The following B3GALT1 variants were observed in gnomAD, a reference collection of about 807,000 sequenced individuals.
B3GALT1 encodes the protein beta-1,3-galactosyltransferase 1, also known as UDP-Gal:betaGlcNAc beta 1,3-galactosyltransferase, polypeptide 1.
In B3GALT1, 10 loss-of-function variants were observed where a neutral mutation model predicts 23.2. The ratio of observed to expected loss-of-function variants is 0.43; its 90% confidence interval spans 0.27 to 0.73. The LOEUF (loss-of-function observed/expected upper bound fraction) is 0.73. Among genes scored for constraint, B3GALT1 ranks in the 30% least tolerant of loss-of-function variants. The pLI is 0.21. For missense variants in B3GALT1, 299 were observed against 405.4 expected, an observed-to-expected ratio of 0.74 and a Z score of 2.25; for synonymous variants, 156 against 141.5, an observed-to-expected ratio of 1.10 and a Z score of -0.73.
intron 4 of B3GALT1, among the ~76,000 whole-genome samples, chr2:167,829,652 T>C (rs1295116967): frequency 6.6e-6 from 1 of 152,178 alleles, no homozygotes; most frequent in Non-Finnish European, 1.5e-5. Context: ...TCTTGAAAAG[T>C]CTCAGTTGAT....
intron 1 of B3GALT1, among the ~76,000 whole-genome samples, chr2:167,413,093 T>G (rs536438464): frequency 2.6e-5 from 4 of 152,220 alleles, no homozygotes; most frequent in Admixed American, 2.6e-4. Context: ...CTTGTTTGGA[T>G]GACTGGTTAC....
chr2:167,533,256 A>G (rs1298154062), intron 2 of B3GALT1, among the ~76,000 whole-genome samples: 1 of 152,070 alleles, frequency 6.6e-6, no homozygotes, highest in Non-Finnish European at 1.5e-5. Flanking sequence ...AAGAATGATC[A>G]TCTTTGCATT....
At position 167,448,365 on chromosome 2, in the gene B3GALT1, G is replaced by T. The variant is rs191689305; in HGVS notation, c.-510-41812G>T. On this transcript the variant is annotated intron_variant, in intron 1 of 4. Coordinates refer to ENST00000392690, the MANE Select transcript of B3GALT1 (RefSeq NM_020981.4). Reference sequence around the variant, plus strand: ...TTGTGGTTTTGATTTGAATTTCCCTGTTCCATAGCTTTTTTTAATATGTTT... The same window carrying T: ...TTGTGGTTTTGATTTGAATTTCCCTTTTCCATAGCTTTTTTTAATATGTTT... Among the ~76,000 whole-genome samples, 285 of 151,972 alleles carry T rather than the reference G, an allele frequency of 1.9e-3. 1 individual carries two copies. Among genetic ancestry groups the T allele is most frequent in the African/African-American group, 6.8e-3 (281 of 41,468 alleles).
At chr2:167,524,070 C>T (rs1452321056) in intron 2 of B3GALT1, among the ~76,000 whole-genome samples, 1 of 152,102 alleles carries the variant, frequency 6.6e-6, no homozygotes, top group Non-Finnish European at 1.5e-5. Flanking sequence ...AAATTGCCCT[C>T]CATGGAAATT....
chr2:167,591,736 G>C (rs1479079033), intron 2 of B3GALT1, among the ~76,000 whole-genome samples: 1 of 152,102 alleles, frequency 6.6e-6, no homozygotes, highest in Admixed American at 6.5e-5. Flanking sequence ...GCCTCCTAAA[G>C]TGGTGGGATT....
At chr2:167,334,803 A>G (rs552724554) in intron 1 of B3GALT1, among the ~76,000 whole-genome samples, 3 of 152,288 alleles carry the variant, frequency 2.0e-5, no homozygotes, top group African/African-American at 7.2e-5. Context: ...TATTTATATA[A>G]ACTAATTCTG....
At chr2:167,304,974 G>C (rs960584744) in intron 1 of B3GALT1, among the ~76,000 whole-genome samples, 1 of 152,108 alleles carries the variant, frequency 6.6e-6, no homozygotes, top group Admixed American at 6.6e-5. Flanking sequence ...CCCTTCCTCT[G>C]ACATTTTGTT....
intron 3 of B3GALT1, among the ~76,000 whole-genome samples, chr2:167,704,147 C>G (rs1033846144): frequency 7.0e-6 from 1 of 142,738 alleles, no homozygotes; most frequent in Non-Finnish European, 1.5e-5. Flanking sequence ...CACCACTGCA[C>G]TCCAGACTGG....
chr2:167,750,020 C>T (rs1273302029), intron 3 of B3GALT1, among the ~76,000 whole-genome samples: 1 of 152,068 alleles, frequency 6.6e-6, no homozygotes, highest in Non-Finnish European at 1.5e-5. Flanking sequence ...GTGTAAAACC[C>T]CTTCCTTTGG....
At chr2:167,600,262 G>T (rs1684851491) in intron 2 of B3GALT1, among the ~76,000 whole-genome samples, 1 of 152,072 alleles carries the variant, frequency 6.6e-6, no homozygotes, top group Admixed American at 6.6e-5. Context: ...ACAACTCCAA[G>T]GCCACCATGT....
intron 1 of B3GALT1, among the ~76,000 whole-genome samples, chr2:167,360,309 G>C (rs930457738): frequency 6.6e-6 from 1 of 152,178 alleles, no homozygotes; most frequent in South Asian, 2.1e-4. Flanking sequence ...ATTGATAGTA[G>C]TGGGGAGTAT....
At chr2:167,550,309 T>C (rs1683723232) in intron 2 of B3GALT1, among the ~76,000 whole-genome samples, 1 of 152,022 alleles carries the variant, frequency 6.6e-6, no homozygotes, top group Admixed American at 6.6e-5. Flanking sequence ...AGTGGTGGAG[T>C]TTAAAGGATA....
intron 3 of B3GALT1, among the ~76,000 whole-genome samples, chr2:167,648,071 C>T (rs1483195394): frequency 1.3e-5 from 2 of 152,078 alleles, no homozygotes; most frequent in African/African-American, 4.8e-5. Context: ...AAATTTTATG[C>T]TTATGTAATC....
intron 1 of B3GALT1, among the ~76,000 whole-genome samples, chr2:167,460,551 T>A (rs1157201666): frequency 6.6e-6 from 1 of 152,146 alleles, no homozygotes; most frequent in Non-Finnish European, 1.5e-5. Flanking sequence ...TTGGGCAACT[T>A]TAAGAGAGTT....
At chr2:167,442,850 C>A (rs1180760905) in intron 1 of B3GALT1, among the ~76,000 whole-genome samples, 43 of 140,834 alleles carry the variant, frequency 3.1e-4, no homozygotes, top group African/African-American at 5.5e-4. Flanking sequence ...ATGGTAGTTT[C>A]TTTTGCTGTG....
intron 2 of B3GALT1, among the ~76,000 whole-genome samples, chr2:167,495,985 C>T (rs914112365): frequency 2.0e-5 from 3 of 152,120 alleles, no homozygotes; most frequent in Non-Finnish European, 4.4e-5. Flanking sequence ...TTTGCTTTTC[C>T]AGAACATGAA....
intron 4 of B3GALT1, among the ~76,000 whole-genome samples, chr2:167,831,866 T>C (rs28571221): frequency 0.013 from 2,000 of 152,268 alleles, 38 homozygotes; most frequent in African/African-American, 0.046. Context: ...ACTCAAAAGA[T>C]AGTGTCTAAT....
At chr2:167,822,438 G>A (rs903310365) in intron 4 of B3GALT1, among the ~76,000 whole-genome samples, 2 of 152,098 alleles carry the variant, frequency 1.3e-5, no homozygotes, top group Non-Finnish European at 2.9e-5. Flanking sequence ...TTCTTACACA[G>A]CGCACCCTCT....
At chr2:167,448,685 T>C (rs922222274) in intron 1 of B3GALT1, among the ~76,000 whole-genome samples, 1 of 152,222 alleles carries the variant, frequency 6.6e-6, no homozygotes, top group African/African-American at 2.4e-5. Context: ...TAAGCCAATG[T>C]CTAGAAGGGT....
Sources: gnomAD v4.1 joint callset for allele counts (sites outside exome capture counted in the v4.1 genomes callset) on GRCh38, gnomAD v4.1.1 for gene constraint, MANE v1.5 for transcripts, NCBI Gene and HGNC (gene_info 2026-07-23, HGNC 2026-07-21) for gene names.